The following DMD variants were observed in gnomAD, a reference collection of about 807,000 sequenced individuals.
DMD encodes the protein mutant dystrophin.
DMD carries 63 observed loss-of-function variants against 330.1 expected under a neutral mutation model. That is an observed-to-expected ratio of 0.19 (90% CI 0.16 to 0.24). The LOEUF is 0.24. Among genes scored for constraint, DMD ranks in the 10% least tolerant of loss-of-function variants. The probability of loss-of-function intolerance (pLI) is 1.00; values close to 1 mark genes in which losing one functional copy is unlikely to be tolerated. For synonymous variants in DMD, 1,223 were observed against 959.8 expected, an observed-to-expected ratio of 1.27 and a Z score of -5.07; for missense variants, 3,344 against 2,684.1, an observed-to-expected ratio of 1.25 and a Z score of -5.43.
intron 60 of DMD, among the ~76,000 whole-genome samples, chrX:31,426,414 C>A (rs917086703): frequency 6.2e-5 from 7 of 112,225 alleles, no homozygotes; most frequent in Non-Finnish European, 1.3e-4. Flanking sequence ...CAACTGGCCG[C>A]AGCTCCAGGA....
intron 17 of DMD, among the ~76,000 whole-genome samples, chrX:32,519,014 T>C (rs2046152750): frequency 1.1e-5 from 1 of 91,145 alleles, no homozygotes; most frequent in Non-Finnish European, 2.2e-5. Flanking sequence ...TTTTTTTTTT[T>C]TTTTTTTTTT....
At chrX:32,369,551 G>GA (rs1034834467) in intron 34 of DMD, among the ~76,000 whole-genome samples, 1 of 110,780 alleles carries the variant, frequency 9.0e-6, no homozygotes, top group African/African-American at 3.3e-5. Context: ...AAAATTATTG[G>GA]AAAAATCATC....
intron 43 of DMD, among the ~76,000 whole-genome samples, chrX:32,245,005 C>T (rs2097227838): frequency 1.4e-5 from 1 of 70,470 alleles, no homozygotes; most frequent in Non-Finnish European, 2.5e-5. Flanking sequence ...GTTGCCATTG[C>T]TTTTGGTGTT....
chrX:31,240,649 A>T (rs2048165840), intron 63 of DMD, among the ~76,000 whole-genome samples: 1 of 111,811 alleles, frequency 8.9e-6, no homozygotes, highest in African/African-American at 3.2e-5. Context: ...GCTGTAAAAT[A>T]ATAGTAATAA....
intron 1 of DMD, among the ~76,000 whole-genome samples, chrX:33,095,820 T>G (rs896248298): frequency 9.0e-6 from 1 of 111,226 alleles, no homozygotes; most frequent in African/African-American, 3.3e-5. Context: ...AATCTCAATT[T>G]ATTTATCTAA....
At chrX:32,892,274 T>G (rs1240580887) in intron 2 of DMD, among the ~76,000 whole-genome samples, 1 of 112,276 alleles carries the variant, frequency 8.9e-6, no homozygotes, top group African/African-American at 3.2e-5. Context: ...TTACTGCACA[T>G]TCTTCTTTTA....
chrX:32,927,257 C>T (rs1472913934), intron 2 of DMD, among the ~76,000 whole-genome samples: 1 of 110,435 alleles, frequency 9.1e-6, no homozygotes, highest in Non-Finnish European at 1.9e-5. Context: ...ATTTACTTGG[C>T]ACATGATAGG....
chrX:32,390,574 C>T (rs1045625639), intron 30 of DMD, among the ~76,000 whole-genome samples: 2 of 111,900 alleles, frequency 1.8e-5, no homozygotes, highest in Non-Finnish European at 1.9e-5. Flanking sequence ...ACACTCAAAT[C>T]GGACCAAAGA....
At chrX:32,559,461 A>C (rs970219792) in intron 16 of DMD, among the ~76,000 whole-genome samples, 1 of 111,766 alleles carries the variant, frequency 8.9e-6, no homozygotes, top group Non-Finnish European at 1.9e-5. Context: ...GGAAGCAATG[A>C]AAAGGTCTTT....
chrX:33,163,732 TAA>T (rs2048920014), intron 1 of DMD, among the ~76,000 whole-genome samples: 1 of 108,075 alleles, frequency 9.3e-6, no homozygotes, highest in Non-Finnish European at 1.9e-5. Flanking sequence ...ACCTCGTAGC[TAA>T]AAAGTCTTGT....
At chrX:32,567,370 G>A (rs999150864) in intron 15 of DMD, among the ~76,000 whole-genome samples, 4 of 111,650 alleles carry the variant, frequency 3.6e-5, no homozygotes, top group South Asian at 3.8e-4. Flanking sequence ...TAAAACTCAC[G>A]GTGTGGGGGT....
In DMD at chrX:31,473,365, C is replaced by CAA. The variant is rs34932280; in HGVS notation, c.8937+4739_8937+4740dup. ...CCTGGGTGACAGAGTGAGACTGTCTCAAAAAAAAAAAAATTAAAAAAAGAG... is the reference window on the plus strand; with the variant it reads ...CCTGGGTGACAGAGTGAGACTGTCTCAAAAAAAAAAAAAAATTAAAAAAAGAG... On this transcript the variant is annotated intron_variant, in intron 59 of 78. Coordinates refer to ENST00000357033, the MANE Select transcript of DMD (RefSeq NM_004006.3). Among the ~76,000 whole-genome samples, 674 of 78,952 alleles carry CAA rather than the reference C, an allele frequency of 8.5e-3. 7 individuals are homozygous for CAA. Among genetic ancestry groups the CAA allele is most frequent in the African/African-American group, 0.03 (633 of 21,328 alleles). 68.6% of individuals were successfully genotyped at this position (78,952 alleles called of 115,157 possible). A position where few individuals can be genotyped will look rare whatever the true frequency, so the allele number is the denominator to read the frequency against.
At chrX:32,620,242 C>A (rs2057889396) in intron 11 of DMD, among the ~76,000 whole-genome samples, 1 of 111,828 alleles carries the variant, frequency 8.9e-6, no homozygotes. Context: ...GCTATTTAAA[C>A]CCCAACATGG....
At chrX:32,392,322 G>C (rs1385152609) in intron 30 of DMD, among the ~76,000 whole-genome samples, 1 of 111,618 alleles carries the variant, frequency 9.0e-6, no homozygotes, top group Non-Finnish European at 1.9e-5. Flanking sequence ...GCAATAGCAC[G>C]ATCTTGGCTC....
chrX:31,377,598 C>G (rs1312997233), intron 60 of DMD, among the ~76,000 whole-genome samples: 1 of 112,089 alleles, frequency 8.9e-6, no homozygotes, highest in Non-Finnish European at 1.9e-5. Flanking sequence ...GCCATATTAC[C>G]TGGGTTTGAA....
intron 2 of DMD, among the ~76,000 whole-genome samples, chrX:32,870,399 CATT>C (rs966157727): frequency 1.8e-5 from 2 of 111,661 alleles, no homozygotes; most frequent in Non-Finnish European, 3.8e-5. Flanking sequence ...CTACCATTGA[CATT>C]ATTCACAGAA....
At chrX:32,337,077 A>G (rs2097719129) in intron 41 of DMD, among the ~76,000 whole-genome samples, 1 of 111,581 alleles carries the variant, frequency 9.0e-6, no homozygotes, top group African/African-American at 3.3e-5. Context: ...AGAAGAGGTT[A>G]GAGGTTGTTG....
intron 1 of DMD, among the ~76,000 whole-genome samples, chrX:33,236,333 C>T (rs973034678): frequency 2.8e-5 from 3 of 106,756 alleles, no homozygotes; most frequent in East Asian, 3.0e-4. Flanking sequence ...GGCGCGATCT[C>T]GGCTCACTGC....
At chrX:32,832,683 G>C (rs1249895338) in intron 4 of DMD, among the ~76,000 whole-genome samples, 1 of 111,792 alleles carries the variant, frequency 8.9e-6, no homozygotes, top group Non-Finnish European at 1.9e-5. Flanking sequence ...TTGCCCTGCA[G>C]CATGTGCTTT....
Sources: gnomAD v4.1 joint callset for allele counts (sites outside exome capture counted in the v4.1 genomes callset) on GRCh38, gnomAD v4.1.1 for gene constraint, MANE v1.5 for transcripts, NCBI Gene and HGNC (gene_info 2026-07-23, HGNC 2026-07-21) for gene names.